FTO: variants seen among roughly 807,000 people sequenced by gnomAD.
FTO encodes the protein FTO alpha-ketoglutarate dependent dioxygenase.
In FTO, 47 loss-of-function variants were observed where a neutral mutation model predicts 63.9. The ratio of observed to expected loss-of-function variants is 0.74; its 90% CI spans 0.58 to 0.94. The LOEUF (loss-of-function observed/expected upper bound fraction) is 0.94. FTO is among the 40% of genes least tolerant of loss of function. The probability of loss-of-function intolerance (pLI) is 0.00; values close to 1 mark genes in which losing one functional copy is unlikely to be tolerated. For missense variants in FTO, 562 were observed against 618.1 expected, an observed-to-expected ratio of 0.91 and a Z score of 0.96; for synonymous variants, 207 against 224.4, an observed-to-expected ratio of 0.92 and a Z score of 0.69.
At chr16:53,870,666 T>C (rs1483209691) in intron 4 of FTO, among the ~76,000 whole-genome samples, 1 of 152,248 alleles carries the variant, frequency 6.6e-6, no homozygotes, top group East Asian at 1.9e-4. Context: ...TTTGTGCTTT[T>C]TCATGTGTTT....
intron 1 of FTO, among the ~76,000 whole-genome samples, chr16:53,732,303 G>A (rs1021545911): frequency 3.3e-5 from 5 of 152,056 alleles, no homozygotes; most frequent in Non-Finnish European, 7.4e-5. Context: ...CACCTGTGTT[G>A]GCCTCCCAAA....
intron 2 of FTO, chr16:53,814,612 TTC>T (rs1236043456): frequency 6.6e-6 from 1 of 152,368 alleles, no homozygotes; most frequent in African/African-American, 2.4e-5. Flanking sequence ...CCTATACTGC[TTC>T]TCTCTTCCCT....
At chr16:53,732,057 T>A (rs1375607058) in intron 1 of FTO, among the ~76,000 whole-genome samples, 1 of 143,572 alleles carries the variant, frequency 7.0e-6, no homozygotes, top group African/African-American at 2.6e-5. Flanking sequence ...TTTTTTTTTT[T>A]TTTTTTTTTG....
At chr16:53,817,781 G>A (rs1023967258) in intron 2 of FTO, among the ~76,000 whole-genome samples, 36 of 152,204 alleles carry the variant, frequency 2.4e-4, no homozygotes, top group African/African-American at 8.4e-4. Flanking sequence ...CTGATCTCCA[G>A]AGAGCTTAGC....
At chr16:53,971,534 G>A (rs904941274) in intron 8 of FTO, among the ~76,000 whole-genome samples, 1 of 152,152 alleles carries the variant, frequency 6.6e-6, no homozygotes, top group Non-Finnish European at 1.5e-5. Context: ...AATTGTATTT[G>A]TTCTTACAAC....
intron 6 of FTO, among the ~76,000 whole-genome samples, chr16:53,886,060 ACTAT>A (rs1439950815): frequency 7.2e-5 from 11 of 152,148 alleles, no homozygotes; most frequent in African/African-American, 2.7e-4. Context: ...TAACCATGAT[ACTAT>A]CTGCCTCAAA....
chr16:53,887,304 G>A (rs916306031), intron 6 of FTO, among the ~76,000 whole-genome samples: 1 of 152,168 alleles, frequency 6.6e-6, no homozygotes, highest in African/African-American at 2.4e-5. Flanking sequence ...ATAGTCTTGA[G>A]ACTCATTCTG....
At chr16:53,869,717 T>A (rs966992316) in intron 4 of FTO, among the ~76,000 whole-genome samples, 90 of 152,206 alleles carry the variant, frequency 5.9e-4, no homozygotes, top group African/African-American at 2.0e-3. Context: ...TTGTTTTTGA[T>A]TCTTTCTTAG....
intron 7 of FTO, among the ~76,000 whole-genome samples, chr16:53,915,785 A>C (rs751036129): frequency 6.6e-6 from 1 of 152,234 alleles, no homozygotes; most frequent in Non-Finnish European, 1.5e-5. Flanking sequence ...GGCTGTGCCC[A>C]TCACTGGTTT....
At chr16:53,965,124 A>G (rs956306523) in intron 8 of FTO, among the ~76,000 whole-genome samples, 1 of 152,084 alleles carries the variant, frequency 6.6e-6, no homozygotes, top group Non-Finnish European at 1.5e-5. Context: ...CCCAGGCTGG[A>G]GTGCAGTGGC....
intron 8 of FTO, among the ~76,000 whole-genome samples, chr16:54,100,898 G>A (rs1328653404): frequency 1.3e-5 from 2 of 152,130 alleles, no homozygotes; most frequent in Non-Finnish European, 2.9e-5. Context: ...CACTGTAGCA[G>A]TAAAGGGGAA....
chr16:54,038,960 C>T (rs1395123677), intron 8 of FTO, among the ~76,000 whole-genome samples: 1 of 152,148 alleles, frequency 6.6e-6, no homozygotes, highest in Non-Finnish European at 1.5e-5. Context: ...CATGTAAATA[C>T]ATCTGTTCAC....
intron 8 of FTO, among the ~76,000 whole-genome samples, chr16:53,939,650 C>G (rs1039944617): frequency 6.6e-6 from 1 of 152,162 alleles, no homozygotes; most frequent in Non-Finnish European, 1.5e-5. Context: ...GAGCAACCAC[C>G]AGTCTACTTT....
chr16:53,936,400 C>T (rs971866657), intron 8 of FTO, among the ~76,000 whole-genome samples: 12 of 152,230 alleles, frequency 7.9e-5, no homozygotes, highest in South Asian at 4.1e-4. Context: ...TTTGATGTTT[C>T]CCATCTTAGT....
intron 8 of FTO, among the ~76,000 whole-genome samples, chr16:53,978,883 CAGCA>C (rs1396691682): frequency 3.9e-5 from 6 of 151,946 alleles, no homozygotes; most frequent in African/African-American, 1.5e-4. Flanking sequence ...CCTGTAATCC[CAGCA>C]ACTCGGGAGG....
chr16:53,713,112 C>T (rs948868234), intron 1 of FTO, among the ~76,000 whole-genome samples: 7 of 151,858 alleles, frequency 4.6e-5, no homozygotes, highest in African/African-American at 7.3e-5. Flanking sequence ...GAGATGGAAC[C>T]GGAATTTGAA....
intron 8 of FTO, among the ~76,000 whole-genome samples, chr16:53,941,999 C>A (rs2082541112): frequency 6.6e-6 from 1 of 152,242 alleles, no homozygotes. Flanking sequence ...TGTGAAATAC[C>A]TTTCCTCTCA....
chr16:53,910,779 G>A (rs367935973), intron 7 of FTO, among the ~76,000 whole-genome samples: 4 of 152,106 alleles, frequency 2.6e-5, no homozygotes, highest in South Asian at 2.1e-4. Flanking sequence ...CAGGGGATCC[G>A]CCTGCCTCGA....
chr16:53,706,213 T>C (rs1283601026), intron 1 of FTO, among the ~76,000 whole-genome samples: 1 of 152,240 alleles, frequency 6.6e-6, no homozygotes, highest in Admixed American at 6.5e-5. Flanking sequence ...GTATAAGTAG[T>C]TGTTTTAAAT....
Sources: gnomAD v4.1 joint callset for allele counts (sites outside exome capture counted in the v4.1 genomes callset) on GRCh38, gnomAD v4.1.1 for gene constraint, MANE v1.5 for transcripts, NCBI Gene and HGNC (gene_info 2026-07-23, HGNC 2026-07-21) for gene names.